The following FAM193A variants were observed in gnomAD, a reference collection of about 807,000 sequenced individuals.
FAM193A encodes the protein family with sequence similarity 193 member A, also known as protein FAM193A.
Under a neutral mutation model 126.5 loss-of-function variants are expected in FAM193A, and 22 were observed. The ratio of observed to expected loss-of-function variants is 0.17; its 90% CI spans 0.12 to 0.25. The LOEUF (loss-of-function observed/expected upper bound fraction) is 0.25. Among genes scored for constraint, FAM193A ranks in the 10% least tolerant of loss-of-function variants. FAM193A has a pLI of 1.00. For synonymous variants in FAM193A, 761 were observed against 646.8 expected (o/e 1.18, Z -2.68); for missense variants, 1,675 against 1,672.8 (o/e 1.00, Z -0.02).
At chr4:2,652,235 G>A (rs1745741652) in intron 7 of FAM193A, among the ~76,000 whole-genome samples, 1 of 152,172 alleles carries the variant, frequency 6.6e-6, no homozygotes. Flanking sequence ...CTGTCCTGGT[G>A]TTGAACAGGA....
At chr4:2,557,447 A>G (rs1738328664) in intron 1 of FAM193A, among the ~76,000 whole-genome samples, 1 of 152,192 alleles carries the variant, frequency 6.6e-6, no homozygotes, top group Non-Finnish European at 1.5e-5. Context: ...ACTACAGATT[A>G]TTTGGATTTT....
chr4:2,698,266 C>T (rs991850310), intron 18 of FAM193A, among the ~76,000 whole-genome samples: 6 of 152,200 alleles, frequency 3.9e-5, no homozygotes, highest in African/African-American at 1.4e-4. Flanking sequence ...GTTATTTGTC[C>T]ATATATTGAC....
chr4:2,693,665 G>A lies in FAM193A; in HGVS notation c.2883G>A (p.Leu961=). 1 of 1,614,174 alleles carries A rather than the reference G, an allele frequency of 6.2e-7. No homozygotes were observed. Among genetic ancestry groups the A allele is most frequent in the Non-Finnish European group, 8.5e-7 (1 of 1,180,018 alleles). The part of the protein sequence containing the change: ...PAAPRNSPTG[L]APLPALSPAA... ...CCCCGAGGAATAGCCCCACGGGCTT[G>A]GCCCCCCTCCCAGCGCTCTCGCCTG... Residue 961 remains leucine, a synonymous_variant, in exon 16 of 21, where the codon TTG becomes TTA. Transcript: ENST00000637812.
At chr4:2,560,143 A>T (rs1431951016) in intron 1 of FAM193A, among the ~76,000 whole-genome samples, 1 of 152,008 alleles carries the variant, frequency 6.6e-6, no homozygotes, top group South Asian at 2.1e-4. Flanking sequence ...GGGTTTCGCC[A>T]TGCTGGCCAG....
intron 1 of FAM193A, among the ~76,000 whole-genome samples, chr4:2,542,344 T>C (rs749489739): frequency 1.5e-4 from 23 of 152,144 alleles, no homozygotes; most frequent in Non-Finnish European, 3.1e-4. Flanking sequence ...TTCACCTTGT[T>C]GGCCAAGCTG....
chr4:2,645,530 T>C (rs1345177101), intron 6 of FAM193A, among the ~76,000 whole-genome samples: 1 of 152,144 alleles, frequency 6.6e-6, no homozygotes, highest in East Asian at 1.9e-4. Context: ...TTCTTTCTTT[T>C]TTTCTTTTTT....
At chr4:2,573,738 G>T (rs977776293) in intron 1 of FAM193A, among the ~76,000 whole-genome samples, 1 of 152,172 alleles carries the variant, frequency 6.6e-6, no homozygotes. Context: ...TGACTTTCCA[G>T]CTGGGGAGGC....
At chr4:2,607,105 T>TG (rs1741593797) in intron 2 of FAM193A, among the ~76,000 whole-genome samples, 1 of 152,220 alleles carries the variant, frequency 6.6e-6, no homozygotes, top group African/African-American at 2.4e-5. Flanking sequence ...GGACTCTTCC[T>TG]GGGGCGTGCC....
chr4:2,728,396 T>G (rs1380462430), intron 20 of FAM193A, among the ~76,000 whole-genome samples: 1 of 151,952 alleles, frequency 6.6e-6, no homozygotes, highest in East Asian at 1.9e-4. Context: ...CTTCCCTCAT[T>G]TTTGGCACTA....
At chr4:2,593,138 A>G (rs989276159) in intron 1 of FAM193A, among the ~76,000 whole-genome samples, 1 of 152,196 alleles carries the variant, frequency 6.6e-6, no homozygotes, top group Non-Finnish European at 1.5e-5. Context: ...CTGACGCTTC[A>G]TACTTGTCCC....
At chr4:2,722,796 A>G (rs912908560) in intron 20 of FAM193A, among the ~76,000 whole-genome samples, 3 of 152,220 alleles carry the variant, frequency 2.0e-5, no homozygotes, top group Non-Finnish European at 4.4e-5. Flanking sequence ...TGACAGTAAT[A>G]ACCATTTTCA....
At chr4:2,572,793 TTTTTA>T (rs961355008) in intron 1 of FAM193A, among the ~76,000 whole-genome samples, 3 of 151,126 alleles carry the variant, frequency 2.0e-5, no homozygotes, top group Non-Finnish European at 3.0e-5. Flanking sequence ...TTTTTTTTTT[TTTTTA>T]AAGACCTGGC....
At chr4:2,729,214 G>A (rs1324204830) in intron 20 of FAM193A, among the ~76,000 whole-genome samples, 2 of 152,194 alleles carry the variant, frequency 1.3e-5, no homozygotes, top group African/African-American at 4.8e-5. Context: ...CTAAGGCACA[G>A]AATGGTGGAG....
intron 20 of FAM193A, among the ~76,000 whole-genome samples, chr4:2,726,414 A>G (rs985174854): frequency 6.6e-6 from 1 of 152,034 alleles, no homozygotes; most frequent in African/African-American, 2.4e-5. Context: ...TGTTCTTTCT[A>G]ACCCCCTTCC....
At chr4:2,542,772 A>G (rs1331181515) in intron 1 of FAM193A, among the ~76,000 whole-genome samples, 1 of 152,152 alleles carries the variant, frequency 6.6e-6, no homozygotes, top group Non-Finnish European at 1.5e-5. Flanking sequence ...GGAGGTGGAT[A>G]AGAGAGAAGG....
chr4:2,655,748 T>C (rs553337031), intron 7 of FAM193A, among the ~76,000 whole-genome samples: 3 of 151,700 alleles, frequency 2.0e-5, no homozygotes, highest in Non-Finnish European at 2.9e-5. Context: ...CTGGGCAACA[T>C]AGGGAGAACC....
intron 1 of FAM193A, among the ~76,000 whole-genome samples, chr4:2,590,898 G>A (rs748276883): frequency 3.3e-5 from 5 of 151,600 alleles, no homozygotes; most frequent in East Asian, 2.0e-4. Context: ...GTGGTGGCGC[G>A]CGCCTGTAAT....
intron 2 of FAM193A, among the ~76,000 whole-genome samples, chr4:2,598,114 A>G (rs1740974521): frequency 6.6e-6 from 1 of 152,068 alleles, no homozygotes; most frequent in African/African-American, 2.4e-5. Context: ...CATGTTGGCC[A>G]TTATGGTCTC....
At position 2,695,001 on chromosome 4, in the gene FAM193A, G is replaced by A; in HGVS notation, c.3148G>A (p.Asp1050Asn). Reference protein sequence around the residue: ...CENGVYDPQQDDGDESADEDS... With the variant: ...CENGVYDPQQNDGDESADEDS... ...GAATGGTGTCTACGACCCACAGCAG[G>A]ATGATGGGGACGAGAGTGCAGATGA... is the stretch of plus-strand genomic sequence containing the variant. The change falls in exon 17 of 21, where the codon GAT becomes AAT. Residue 1050 changes from aspartate to asparagine, a missense_variant. Asp to Asn is a conservative substitution (Grantham distance 23, BLOSUM62 1). Transcript: ENST00000637812. 1 of 1,609,980 alleles carries A rather than the reference G, an allele frequency of 6.2e-7. No individual in the cohort carries two copies. Among genetic ancestry groups the A allele is most frequent in the East Asian group, 2.2e-5 (1 of 44,506 alleles).
Sources: gnomAD v4.1 joint callset for allele counts (sites outside exome capture counted in the v4.1 genomes callset) on GRCh38, gnomAD v4.1.1 for gene constraint, MANE v1.5 for transcripts, NCBI Gene and HGNC (gene_info 2026-07-23, HGNC 2026-07-21) for gene names.